The following MEI4 variants were observed in gnomAD, a reference collection of about 807,000 sequenced individuals.
MEI4 encodes the protein meiotic double-stranded break formation protein 4.
Under a neutral mutation model 31.4 loss-of-function variants are expected in MEI4, and 27 were observed. That is an observed-to-expected ratio of 0.86 (90% CI 0.63 to 1.19). The LOEUF (loss-of-function observed/expected upper bound fraction) is 1.19. MEI4 is among the 50% of genes most tolerant of loss of function. The pLI is 0.00. For missense variants in MEI4, 329 were observed against 398.9 expected (o/e 0.82, Z 1.49); for synonymous variants, 122 against 145.4 (o/e 0.84, Z 1.16).
intron 3 of MEI4, among the ~76,000 whole-genome samples, chr6:77,800,536 G>C (rs527345079): frequency 2.0e-5 from 3 of 152,320 alleles, no homozygotes; most frequent in African/African-American, 7.2e-5. Flanking sequence ...GTGTTGAATA[G>C]GAGTGGTGAG....
chr6:77,677,784 C>G (rs10943478), intron 1 of MEI4, among the ~76,000 whole-genome samples: 3 of 151,826 alleles, frequency 2.0e-5, no homozygotes, highest in Non-Finnish European at 2.9e-5. Flanking sequence ...TTTCATCCAG[C>G]GAAATACATG....
chr6:77,801,674 T>G (rs1769264299), intron 3 of MEI4, among the ~76,000 whole-genome samples: 1 of 152,188 alleles, frequency 6.6e-6, no homozygotes, highest in Non-Finnish European at 1.5e-5. Context: ...TCCCAGAGAT[T>G]CTGGTATGTT....
intron 2 of MEI4, chr6:77,717,008 GAAAAGAAAAAGACACAGAGACA>G (rs1766597529): frequency 5.4e-6 from 1 of 185,792 alleles, no homozygotes; most frequent in East Asian, 1.9e-4. Context: ...GAGAGATTTG[GAAAAGAAAAAGACACAGAGACA>G]AAGTATAGAG....
intron 4 of MEI4, among the ~76,000 whole-genome samples, chr6:77,851,821 G>A (rs561903694): frequency 1.6e-4 from 24 of 152,086 alleles, no homozygotes; most frequent in Middle Eastern, 6.8e-3. Context: ...AGGGGAGATC[G>A]TGATAGCTTC....
intron 2 of MEI4, among the ~76,000 whole-genome samples, chr6:77,754,065 A>G (rs1394865525): frequency 6.6e-6 from 1 of 152,050 alleles, no homozygotes; most frequent in Non-Finnish European, 1.5e-5. Flanking sequence ...GCACATGGAC[A>G]CAGGGAGGGG....
At chr6:77,749,495 G>A (rs979944621) in intron 2 of MEI4, among the ~76,000 whole-genome samples, 20 of 152,146 alleles carry the variant, frequency 1.3e-4, no homozygotes, top group African/African-American at 4.1e-4. Flanking sequence ...TAGCTGAATC[G>A]ATCAAGTGGA....
At chr6:77,883,691 A>T (rs1284730268) in intron 4 of MEI4, among the ~76,000 whole-genome samples, 2 of 110,588 alleles carry the variant, frequency 1.8e-5, no homozygotes, top group African/African-American at 3.6e-5. Flanking sequence ...ATATACATAT[A>T]TATGCAATGA....
intron 4 of MEI4, among the ~76,000 whole-genome samples, chr6:77,836,823 G>T (rs201788888): frequency 1.3e-5 from 2 of 152,032 alleles, no homozygotes; most frequent in Non-Finnish European, 2.9e-5. Context: ...CCATCAGAGA[G>T]AATAGAATTA....
chr6:77,911,288 A>AT (rs1562035530), intron 4 of MEI4, among the ~76,000 whole-genome samples: 1 of 151,982 alleles, frequency 6.6e-6, no homozygotes, highest in South Asian at 2.1e-4. Context: ...CAATTCAACT[A>AT]TTTTTTTGTT....
At chr6:77,788,893 G>T (rs1768831950) in intron 3 of MEI4, among the ~76,000 whole-genome samples, 1 of 152,044 alleles carries the variant, frequency 6.6e-6, no homozygotes, top group African/African-American at 2.4e-5. Context: ...CACAGAATTG[G>T]AAAAAACTAC....
At chr6:77,791,161 A>C (rs1254087625) in intron 3 of MEI4, among the ~76,000 whole-genome samples, 1 of 152,030 alleles carries the variant, frequency 6.6e-6, no homozygotes, top group Non-Finnish European at 1.5e-5. Context: ...ATACCATTTG[A>C]CCCAGCCATC....
chr6:77,750,764 A>G (rs1382856475), intron 2 of MEI4, among the ~76,000 whole-genome samples: 1 of 152,160 alleles, frequency 6.6e-6, no homozygotes, highest in African/African-American at 2.4e-5. Flanking sequence ...CTCTGGACCA[A>G]GCAGACCTAA....
intron 4 of MEI4, among the ~76,000 whole-genome samples, chr6:77,908,505 A>G (rs1766352167): frequency 6.6e-6 from 1 of 152,034 alleles, no homozygotes; most frequent in Non-Finnish European, 1.5e-5. Flanking sequence ...CCATTGGTCT[A>G]TATCTCTGTT....
intron 4 of MEI4, among the ~76,000 whole-genome samples, chr6:77,902,588 T>A (rs556120588): frequency 6.6e-6 from 1 of 152,202 alleles, no homozygotes; most frequent in South Asian, 2.1e-4. Flanking sequence ...TCTTGGGGCC[T>A]CCAAATCACT....
intron 1 of MEI4, among the ~76,000 whole-genome samples, chr6:77,668,252 G>A (rs16889291): frequency 0.083 from 12,552 of 152,130 alleles, 707 homozygotes; most frequent in East Asian, 0.22. Context: ...TTTGCTTTAG[G>A]TCCTTGGAGG....
chr6:77,883,522 C>T (rs78198193), intron 4 of MEI4, among the ~76,000 whole-genome samples: 2,633 of 151,262 alleles, frequency 0.017, 82 homozygotes, highest in African/African-American at 0.061. Context: ...TTTTTTAGCT[C>T]GCACATATAA....
chr6:77,723,197 C>A (rs1245566111), intron 2 of MEI4, among the ~76,000 whole-genome samples: 2 of 143,948 alleles, frequency 1.4e-5, no homozygotes, highest in African/African-American at 5.2e-5. Context: ...GGGCCATATA[C>A]CCCTGTAGGG....
intron 3 of MEI4, among the ~76,000 whole-genome samples, chr6:77,819,463 G>C (rs973751893): frequency 3.8e-4 from 58 of 151,880 alleles, no homozygotes; most frequent in Admixed American, 9.2e-4. Flanking sequence ...ATGATATTTG[G>C]TATTATTTTA....
intron 1 of MEI4, among the ~76,000 whole-genome samples, chr6:77,668,547 T>A (rs2127644781): frequency 6.6e-6 from 1 of 152,296 alleles, no homozygotes; most frequent in East Asian, 1.9e-4. Context: ...TTGAAATATA[T>A]TGAAATAGAT....
Sources: gnomAD v4.1 joint callset for allele counts (sites outside exome capture counted in the v4.1 genomes callset) on GRCh38, gnomAD v4.1.1 for gene constraint, MANE v1.5 for transcripts, NCBI Gene and HGNC (gene_info 2026-07-23, HGNC 2026-07-21) for gene names.